The following ZBTB46 variants were observed in gnomAD, a reference collection of about 807,000 sequenced individuals.
ZBTB46 encodes zinc finger and BTB domain containing 46, also known as zinc finger and BTB domain-containing protein 46.
In ZBTB46, 8 loss-of-function variants were observed where a neutral mutation model predicts 44.1. The observed-to-expected ratio is 0.18, with a 90% CI of 0.11 to 0.33. ZBTB46 has a LOEUF of 0.33. Among genes scored for constraint, ZBTB46 ranks in the 10% least tolerant of loss-of-function variants. The probability of loss-of-function intolerance (pLI) is 1.00; values close to 1 mark genes in which losing one functional copy is unlikely to be tolerated. For missense variants in ZBTB46, 651 were observed against 847.7 expected (o/e 0.77, Z 2.88); for synonymous variants, 409 against 382.3 (o/e 1.07, Z -0.81).
Position 63,790,370 on chromosome 20 carries a change from C to T in ZBTB46, c.388G>A (p.Asp130Asn), listed in dbSNP as rs749625388. Residue 130 changes from aspartate to asparagine, a missense_variant, in exon 2 of 5, where the codon GAC (aspartate) becomes AAC (asparagine). By Grantham distance (23) the Asp-to-Asn change is conservative. Around this residue, in one of 5 missense-constraint regions of ZBTB46, gnomAD observed 385 missense variants for 423.3 expected, o/e 0.91. Transcript: ENST00000245663. ...GAGGCGTCCGACTTGATGCTGATGT[C>T]CAGCGCCGCCTTGATGAAGTCGTGG... ...ACHDFIKAAL[D>N]ISIKSDASDE... 1.2e-6 allele frequency: 2 copies of T among 1,613,166 alleles called. No homozygotes were observed. The highest frequency in any genetic ancestry group is 1.7e-6 in the Non-Finnish European group (2 of 1,179,932).
intron 1 of ZBTB46, among the ~76,000 whole-genome samples, chr20:63,802,482 G>T (rs1279962618): frequency 6.6e-6 from 1 of 151,970 alleles, no homozygotes; most frequent in African/African-American, 2.4e-5. Flanking sequence ...CCTTAAAAGG[G>T]GAAGAAATTT....
chr20:63,816,322 C>A, intron 1 of ZBTB46: 1 of 196,112 alleles, frequency 5.1e-6, no homozygotes, highest in Non-Finnish European at 1.1e-5. Flanking sequence ...ACATGACTCC[C>A]TCCCCACCCA....
chr20:63,748,255 G>C (rs2145749922), intron 4 of ZBTB46, among the ~76,000 whole-genome samples: 1 of 152,360 alleles, frequency 6.6e-6, no homozygotes, highest in South Asian at 2.1e-4. Context: ...GGGCCCGGCA[G>C]GGAGATGGGG....
chr20:63,799,398 G>C (rs2092627156), intron 1 of ZBTB46, among the ~76,000 whole-genome samples: 1 of 151,374 alleles, frequency 6.6e-6, no homozygotes, highest in Non-Finnish European at 1.5e-5. Flanking sequence ...CCAGGCTAGA[G>C]TGCAGTGGTG....
intron 3 of ZBTB46, among the ~76,000 whole-genome samples, chr20:63,760,890 A>G (rs1469995912): frequency 1.3e-5 from 2 of 150,722 alleles, no homozygotes; most frequent in Non-Finnish European, 3.0e-5. Flanking sequence ...CTTGGCCTCA[A>G]GCGAGCCTTC....
chr20:63,775,640 C>A (rs1187625135), intron 3 of ZBTB46, 38 bp downstream of exon 3: 1 of 1,520,598 alleles, frequency 6.6e-7, no homozygotes, highest in Non-Finnish European at 8.8e-7. Context: ...CCTTCAAAAC[C>A]ACACCAAAGC....
intron 2 of ZBTB46, among the ~76,000 whole-genome samples, chr20:63,786,881 G>C (rs1413203473): frequency 2.0e-5 from 3 of 152,286 alleles, no homozygotes; most frequent in Middle Eastern, 3.4e-3. Context: ...CTGGCCTCAA[G>C]GGATCCTCAT....
chr20:63,797,495 T>C (rs2092612883), intron 1 of ZBTB46, among the ~76,000 whole-genome samples: 1 of 152,218 alleles, frequency 6.6e-6, no homozygotes, highest in South Asian at 2.1e-4. Flanking sequence ...CAACATGATT[T>C]ATAATCCTTT....
At chr20:63,790,894 G>C in intron 1 of ZBTB46, 104 bp from the exon 2 acceptor site, 3 of 1,423,936 alleles carry the variant, frequency 2.1e-6, no homozygotes, top group Non-Finnish European at 2.8e-6. Flanking sequence ...AGTGCGGCCA[G>C]TGGGAGGACG....
chr20:63,769,396 G>A, intron 3 of ZBTB46: 1 of 985,430 alleles, frequency 1.0e-6, no homozygotes, highest in South Asian at 4.7e-5. Flanking sequence ...GGGAACACAG[G>A]AAAGGAGGAG....
intron 1 of ZBTB46, among the ~76,000 whole-genome samples, chr20:63,795,384 G>T (rs749126364): frequency 6.6e-6 from 1 of 152,232 alleles, no homozygotes; most frequent in Non-Finnish European, 1.5e-5. Context: ...CAGTTACACC[G>T]TGCAGGCTCT....
intron 1 of ZBTB46, among the ~76,000 whole-genome samples, chr20:63,821,496 A>G (rs1178268221): frequency 4.7e-5 from 7 of 149,716 alleles, no homozygotes; most frequent in South Asian, 4.2e-4. Flanking sequence ...CTGGAGTGCA[A>G]TGGTGCGCTC....
chr20:63,788,976 C>T (rs2092538059), intron 2 of ZBTB46, among the ~76,000 whole-genome samples: 1 of 151,104 alleles, frequency 6.6e-6, no homozygotes, highest in South Asian at 2.1e-4. Flanking sequence ...GCTGGGATTA[C>T]AGGCTACTTT....
chr20:63,754,611 T>C (rs944323087), intron 3 of ZBTB46, among the ~76,000 whole-genome samples: 1 of 150,312 alleles, frequency 6.7e-6, no homozygotes, highest in Admixed American at 6.6e-5. Context: ...ACAACTTTTT[T>C]TTTTTTTAGA....
intron 1 of ZBTB46, among the ~76,000 whole-genome samples, chr20:63,809,768 C>T (rs1343231213): frequency 1.3e-5 from 2 of 152,074 alleles, no homozygotes; most frequent in Non-Finnish European, 2.9e-5. Context: ...TCAAGACCAG[C>T]CTGGGCAACA....
chr20:63,802,458 AGT>A (rs559427422), intron 1 of ZBTB46, among the ~76,000 whole-genome samples: 2 of 144,148 alleles, frequency 1.4e-5, no homozygotes, highest in East Asian at 5.0e-4. Context: ...CCCCTAATCC[AGT>A]ATGATAAGTA....
intron 1 of ZBTB46, among the ~76,000 whole-genome samples, chr20:63,794,338 C>T (rs2145947172): frequency 6.6e-6 from 1 of 152,232 alleles, no homozygotes. Flanking sequence ...ACCACAGGTG[C>T]ACACCCCAAT....
intron 3 of ZBTB46, among the ~76,000 whole-genome samples, chr20:63,758,072 C>CA (rs2092239111): frequency 1.8e-5 from 1 of 55,420 alleles, no homozygotes; most frequent in Non-Finnish European, 3.4e-5. Context: ...TCCCTCCACC[C>CA]GCCCATCCAG....
Position 63,786,700 on chromosome 20 carries a change from C to T in ZBTB46, c.937+3121G>A, listed in dbSNP as rs546494167. 1.3e-3 allele frequency among the ~76,000 whole-genome samples: 199 copies of T among 152,174 alleles called. 2 individuals carry two copies. The highest frequency in any genetic ancestry group is 2.5e-3 in the South Asian group (12 of 4,818). Reference sequence around the variant, plus strand: ...CTAACTTTTGTATATTTAGTAGAGACGGGGTTTCACCATGTTGGCCACGAT... The same window carrying T: ...CTAACTTTTGTATATTTAGTAGAGATGGGGTTTCACCATGTTGGCCACGAT... On this transcript the variant is annotated intron_variant, in intron 2 of 4. Transcript: ENST00000245663.
Sources: gnomAD v4.1 joint callset for allele counts (sites outside exome capture counted in the v4.1 genomes callset) on GRCh38, gnomAD v4.1.1 for gene constraint, gnomAD v4.1.1 regional missense constraint, MANE v1.5 for transcripts, NCBI Gene and HGNC (gene_info 2026-07-23, HGNC 2026-07-21) for gene names.